ARHGEF28: variants seen among roughly 807,000 people sequenced by gnomAD.
The protein encoded by ARHGEF28 is Rho guanine nucleotide exchange factor 28.
A neutral mutation model predicts 206.6 loss-of-function variants in ARHGEF28; 152 were observed. That is an observed-to-expected ratio of 0.74 (90% CI 0.64 to 0.84). ARHGEF28 has a LOEUF of 0.84. Ranked by LOEUF, ARHGEF28 falls within the 40% of genes least tolerant of loss-of-function variation. ARHGEF28 has a pLI of 0.00. For synonymous variants in ARHGEF28, 763 were observed against 776.4 expected (o/e 0.98, Z 0.29); for missense variants, 2,028 against 2,073.2 (o/e 0.98, Z 0.42).
At chr5:73,929,018 A>G (rs1012845972) in intron 35 of ARHGEF28, among the ~76,000 whole-genome samples, 11 of 152,060 alleles carry the variant, frequency 7.2e-5, no homozygotes, top group African/African-American at 2.7e-4. Context: ...TCACTGCAAG[A>G]TCCGCCTCCC....
intron 1 of ARHGEF28, among the ~76,000 whole-genome samples, chr5:73,651,454 T>G (rs140760883): frequency 4.6e-5 from 7 of 152,292 alleles, no homozygotes; most frequent in African/African-American, 1.7e-4. Context: ...TTACTTAGAT[T>G]GATTATTTAG....
chr5:73,832,282 A>G (rs761696767), intron 9 of ARHGEF28, 56 bp from the exon 10 acceptor site: 62 of 1,589,524 alleles, frequency 3.9e-5, no homozygotes, highest in Non-Finnish European at 4.6e-5. Context: ...GTAAAGCTTG[A>G]CTGTAAAATA....
At chr5:73,685,005 A>G in intron 2 of ARHGEF28, 121 bp downstream of exon 2, 1 of 935,950 alleles carries the variant, frequency 1.1e-6, no homozygotes, top group Non-Finnish European at 1.6e-6. Context: ...AAAACAACAC[A>G]CTGAGCGTTA....
chr5:73,753,334 G>T, intron 4 of ARHGEF28, 132 bp downstream of exon 4: 1 of 990,676 alleles, frequency 1.0e-6, no homozygotes, highest in South Asian at 2.2e-5. Flanking sequence ...CTGATGTGGA[G>T]GGGCTCCCTG....
In ARHGEF28 at chr5:73,904,230, T is replaced by C. The variant is rs772784091; in HGVS notation, c.4083T>C (p.Cys1361=). 1.4e-5 allele frequency: 22 copies of C among 1,613,764 alleles called. No individual in the cohort carries two copies. In the South Asian group the frequency reaches 2.1e-4, roughly 15 times the overall value. The part of the protein sequence containing the change: ...AVSDAGEKVE[C]RNFPGSSQSE... ...TTTTTTATGTATTTTAGGTGGAATGTAGAAATTTTCCAGGTTCTTCACAAT... is the reference window on the plus strand; with the variant it reads ...TTTTTTATGTATTTTAGGTGGAATGCAGAAATTTTCCAGGTTCTTCACAAT... The change falls in exon 32 of 36, where the codon TGT becomes TGC. Residue 1361 remains cysteine (C), a synonymous_variant. Transcript: ENST00000513042.
chr5:73,740,481 G>A (rs1751317011), intron 2 of ARHGEF28, among the ~76,000 whole-genome samples: 1 of 152,150 alleles, frequency 6.6e-6, no homozygotes, highest in Non-Finnish European at 1.5e-5. Context: ...CTGATGCTTA[G>A]AGGGCTCTCA....
At chr5:73,821,746 G>T (rs550842132) in intron 9 of ARHGEF28, among the ~76,000 whole-genome samples, 1 of 152,142 alleles carries the variant, frequency 6.6e-6, no homozygotes, top group South Asian at 2.1e-4. Flanking sequence ...TTGGAGAACT[G>T]CATCAAGAAG....
At chr5:73,822,554 C>G (rs1444994002) in intron 9 of ARHGEF28, among the ~76,000 whole-genome samples, 1 of 152,134 alleles carries the variant, frequency 6.6e-6, no homozygotes, top group Non-Finnish European at 1.5e-5. Context: ...AGACTAATAT[C>G]AGGAAAAATC....
At chr5:73,856,470 T>A (rs1241079563) in intron 14 of ARHGEF28, among the ~76,000 whole-genome samples, 1 of 152,128 alleles carries the variant, frequency 6.6e-6, no homozygotes, top group African/African-American at 2.4e-5. Flanking sequence ...TCTTAAGCCA[T>A]GTATTTTTTT....
intron 1 of ARHGEF28, among the ~76,000 whole-genome samples, chr5:73,659,227 G>A (rs72770808): frequency 0.18 from 27,768 of 152,144 alleles, 2,953 homozygotes; most frequent in Non-Finnish European, 0.24. Context: ...CTATCACGTA[G>A]TACAGAATAT....
chr5:73,813,254 C>A (rs1257945495), intron 9 of ARHGEF28, among the ~76,000 whole-genome samples: 1 of 152,110 alleles, frequency 6.6e-6, no homozygotes, highest in East Asian at 1.9e-4. Context: ...TTTCCAGCAA[C>A]CAGAAGAGGG....
intron 35 of ARHGEF28, among the ~76,000 whole-genome samples, chr5:73,927,647 CA>C (rs1763894839): frequency 6.6e-6 from 1 of 152,192 alleles, no homozygotes; most frequent in Admixed American, 6.5e-5. Flanking sequence ...GCACGAGCCA[CA>C]ACATCTGGCT....
At chr5:73,926,597 G>T (rs1232135234) in intron 35 of ARHGEF28, among the ~76,000 whole-genome samples, 1 of 152,098 alleles carries the variant, frequency 6.6e-6, no homozygotes, top group South Asian at 2.1e-4. Flanking sequence ...AATGGCCACA[G>T]ACTCCACCCA....
chr5:73,894,495 T>TAGAGCCCCACCTCCTTATTAA lies in ARHGEF28; in HGVS notation c.3763_3783dup (p.Glu1255_Lys1261dup). ...CTGAGCGGATTTGAGGACGTCCATCTAGAGCCCCACCTCCTTATTAAACCT... is the reference window on the plus strand; with the variant it reads ...CTGAGCGGATTTGAGGACGTCCATCTAGAGCCCCACCTCCTTATTAAAGAGCCCCACCTCCTTATTAAACCT... On this transcript the variant is annotated inframe_insertion, in exon 29 of 36. Coordinates refer to ENST00000513042, the MANE Select transcript of ARHGEF28 (RefSeq NM_001177693.2). 1 of 1,613,968 alleles carries TAGAGCCCCACCTCCTTATTAA rather than the reference T, an allele frequency of 6.2e-7. No individual in the cohort carries two copies. The highest frequency in any genetic ancestry group is 1.1e-5 in the South Asian group (1 of 91,074).
chr5:73,873,360 A>G, intron 22 of ARHGEF28, 114 bp downstream of exon 22: 1 of 1,321,176 alleles, frequency 7.6e-7, no homozygotes, highest in Non-Finnish European at 1.0e-6. Context: ...TCATAGTGAC[A>G]TTCTGAGGAT....
At chr5:73,883,685 C>T in intron 23 of ARHGEF28, 82 bp from the exon 24 acceptor site, 3 of 789,496 alleles carry the variant, frequency 3.8e-6, no homozygotes, top group Admixed American at 6.6e-5. Flanking sequence ...TGTACTGTTG[C>T]AGATTCTTTG....
chr5:73,837,705 T>TCC (rs1358810865), intron 10 of ARHGEF28, among the ~76,000 whole-genome samples: 25 of 151,180 alleles, frequency 1.7e-4, no homozygotes, highest in Non-Finnish European at 2.4e-4. Flanking sequence ...TTCTCTTTCT[T>TCC]TCTTTCTTCC....
intron 29 of ARHGEF28, among the ~76,000 whole-genome samples, chr5:73,895,372 G>T (rs374869177): frequency 6.6e-6 from 1 of 152,124 alleles, no homozygotes; most frequent in Non-Finnish European, 1.5e-5. Context: ...CAGGATTAGC[G>T]CTAGTGGGAG....
At chr5:73,838,060 A>C (rs967059378) in intron 10 of ARHGEF28, among the ~76,000 whole-genome samples, 11 of 152,192 alleles carry the variant, frequency 7.2e-5, no homozygotes, top group Admixed American at 6.5e-4. Flanking sequence ...TTTATTCTGG[A>C]ATATTCTGGG....
Sources: allele counts gnomAD v4.1 joint callset (sites outside exome capture counted in the v4.1 genomes callset), GRCh38; gene constraint gnomAD v4.1.1; transcripts MANE v1.5; gene names NCBI Gene and HGNC (gene_info 2026-07-23, HGNC 2026-07-21).